Variants in LSM14A observed in about 807,000 individuals in gnomAD.
LSM14A encodes LSM14A mRNA processing body assembly factor, also known as protein LSM14 homolog A.
Under a neutral mutation model 52.4 loss-of-function variants are expected in LSM14A, and 14 were observed. The ratio of observed to expected loss-of-function variants is 0.27; its 90% CI spans 0.18 to 0.42. The LOEUF (loss-of-function observed/expected upper bound fraction) is 0.42. Ranked by LOEUF, LSM14A falls within the 10% of genes least tolerant of loss-of-function variation. LSM14A has a pLI of 1.00. For missense variants in LSM14A, 417 were observed against 581.8 expected (o/e 0.72, Z 2.91); for synonymous variants, 185 against 200.3 (o/e 0.92, Z 0.64).
chr19:34,194,682 C>T (rs780915163), intron 2 of LSM14A, 41 bp downstream of exon 2: 23 of 1,594,584 alleles, frequency 1.4e-5, no homozygotes, highest in South Asian at 1.1e-4. Flanking sequence ...AGGTAAACTC[C>T]GCACAGGGTT....
rs905250125 is a variant in LSM14A, at chr19:34,188,567, T to G, written c.122-5911T>G. 2.0e-5 allele frequency among the ~76,000 whole-genome samples: 3 copies of G among 152,352 alleles called. No individual in the cohort carries two copies. In the East Asian group the frequency reaches 5.8e-4, roughly 29 times the overall value. ...CCACCTCTCCTTAGTTTCAAAACTT[T>G]CCATCATCCTACTAAAATACCCCTA... On this transcript the variant is annotated intron_variant, in intron 1 of 9. Transcript: ENST00000544216.
intron 4 of LSM14A, among the ~76,000 whole-genome samples, chr19:34,214,604 C>T (rs557973049): frequency 5.9e-5 from 9 of 152,268 alleles, no homozygotes; most frequent in African/African-American, 1.9e-4. Flanking sequence ...CCACTGCGCC[C>T]GGCCCTTTAC....
chr19:34,204,517 G>C (rs1223112434), intron 3 of LSM14A, among the ~76,000 whole-genome samples: 1 of 150,222 alleles, frequency 6.7e-6, no homozygotes, highest in Admixed American at 6.7e-5. Flanking sequence ...TTCAAGACCA[G>C]CCTGGGGAAC....
intron 3 of LSM14A, among the ~76,000 whole-genome samples, chr19:34,203,595 T>C (rs1459858418): frequency 6.6e-6 from 1 of 151,182 alleles, no homozygotes; most frequent in Non-Finnish European, 1.5e-5. Flanking sequence ...AGGTCAGGAG[T>C]TCAGGATCAG....
chr19:34,185,387 A>G (rs948773624), intron 1 of LSM14A, among the ~76,000 whole-genome samples: 1 of 152,176 alleles, frequency 6.6e-6, no homozygotes, highest in Non-Finnish European at 1.5e-5. Context: ...GCTGAGGGAC[A>G]GATGTTTTCA....
At chr19:34,172,899 G>C in intron 1 of LSM14A, 136 bp downstream of exon 1, 1 of 1,092,542 alleles carries the variant, frequency 9.2e-7, no homozygotes, top group Non-Finnish European at 1.2e-6. Flanking sequence ...CCCTTCTCCG[G>C]GCCCCGGCGT....
chr19:34,214,107 G>A (rs1351315269), intron 4 of LSM14A, among the ~76,000 whole-genome samples: 1 of 152,074 alleles, frequency 6.6e-6, no homozygotes, highest in South Asian at 2.1e-4. Flanking sequence ...GCAAAAACTT[G>A]CCAAGAGATC....
chr19:34,188,208 C>T (rs2070073260), intron 1 of LSM14A, among the ~76,000 whole-genome samples: 1 of 152,074 alleles, frequency 6.6e-6, no homozygotes, highest in Admixed American at 6.6e-5. Flanking sequence ...ATAGCTTGAG[C>T]TTGGGAGGTA....
chr19:34,177,280 G>C (rs2069152118), intron 1 of LSM14A, among the ~76,000 whole-genome samples: 1 of 151,876 alleles, frequency 6.6e-6, no homozygotes, highest in Non-Finnish European at 1.5e-5. Context: ...AAACATCATA[G>C]AGATACTTTG....
intron 8 of LSM14A, among the ~76,000 whole-genome samples, chr19:34,220,226 A>G (rs1413322510): frequency 2.6e-5 from 4 of 152,106 alleles, no homozygotes; most frequent in African/African-American, 9.7e-5. Flanking sequence ...CCAAAGTACT[A>G]GGATTACAGG....
chr19:34,226,560 C>T, intron 9 of LSM14A: 1 of 1,046,882 alleles, frequency 9.6e-7, no homozygotes, highest in Non-Finnish European at 1.3e-6. Context: ...TATGCCATAC[C>T]ATATGTATTT....
intron 2 of LSM14A, among the ~76,000 whole-genome samples, chr19:34,195,742 C>T (rs1599680631): frequency 6.6e-6 from 1 of 152,246 alleles, no homozygotes; most frequent in African/African-American, 2.4e-5. Context: ...ACACCAAACA[C>T]TGGAGTTACC....
intron 1 of LSM14A, among the ~76,000 whole-genome samples, chr19:34,176,521 C>G (rs746230617): frequency 1.3e-5 from 2 of 152,076 alleles, no homozygotes; most frequent in Non-Finnish European, 2.9e-5. Context: ...ATAGTTTTAC[C>G]ATATAAGTTT....
Position 34,215,616 on chromosome 19 carries a change from A to G in LSM14A, c.736A>G (p.Arg246Gly), listed in dbSNP as rs2072521755. 6.2e-7 allele frequency: 1 copy of G among 1,613,728 alleles called. No individual in the cohort carries two copies. The highest frequency in any genetic ancestry group is 1.3e-5 in the African/African-American group (1 of 74,912). Residue 246 changes from arginine (R) to glycine (G), a missense_variant, in exon 6 of 10, where the codon AGG becomes GGG. Physicochemically the swap from Arg to Gly is moderately radical, Grantham distance 125. Around this residue, in one of 2 missense-constraint regions of LSM14A, gnomAD observed 357 missense variants for 457.0 expected, o/e 0.78. Transcript: ENST00000544216. Reference protein sequence around the residue: ...HRRAEVHKVSRPENEQLRNDN... With the variant: ...HRRAEVHKVSGPENEQLRNDN... ...TGTAGCTGAAGTACACAAAGTTTCA[A>G]GGCCAGAAAATGAGCAACTCAGAAA...
intron 6 of LSM14A, among the ~76,000 whole-genome samples, chr19:34,217,312 A>AG: frequency 6.6e-6 from 1 of 151,576 alleles, no homozygotes; most frequent in Non-Finnish European, 1.5e-5. Context: ...CAGTTGTTTA[A>AG]GAGCTGTAGT....
At chr19:34,184,574 A>G (rs1033807915) in intron 1 of LSM14A, among the ~76,000 whole-genome samples, 3 of 152,210 alleles carry the variant, frequency 2.0e-5, no homozygotes, top group African/African-American at 7.2e-5. Flanking sequence ...ATTTACATAC[A>G]GAAACATTTG....
intron 1 of LSM14A, among the ~76,000 whole-genome samples, chr19:34,173,458 A>G (rs2068861375): frequency 6.6e-6 from 1 of 152,088 alleles, no homozygotes; most frequent in African/African-American, 2.4e-5. Context: ...TTGATCCAGG[A>G]TCCTTCTTGA....
chr19:34,215,785 AG>A (rs2072538431), intron 6 of LSM14A, 124 bp downstream of exon 6: 2 of 685,166 alleles, frequency 2.9e-6, no homozygotes. Context: ...GGAGGAGCAC[AG>A]GGGAGTGTCA....
chr19:34,206,869 T>G (rs1176118250), intron 3 of LSM14A, among the ~76,000 whole-genome samples: 2 of 152,308 alleles, frequency 1.3e-5, no homozygotes, highest in Middle Eastern at 3.4e-3. Flanking sequence ...GGATTGTATA[T>G]GATGACAAAG....
Sources: allele counts gnomAD v4.1 joint callset (sites outside exome capture counted in the v4.1 genomes callset), GRCh38; gene constraint gnomAD v4.1.1; regional missense constraint gnomAD v4.1.1; transcripts MANE v1.5; gene names NCBI Gene and HGNC (gene_info 2026-07-23, HGNC 2026-07-21).